TMEM196: variants seen among roughly 807,000 people sequenced by gnomAD.
TMEM196 encodes the protein transmembrane protein 196.
Under a neutral mutation model 20.0 loss-of-function variants are expected in TMEM196, and 17 were observed. That is an observed-to-expected ratio of 0.85 (90% CI 0.58 to 1.27). The LOEUF is 1.27. TMEM196 is among the 50% of genes most tolerant of loss of function. The pLI is 0.00. For synonymous variants in TMEM196, 113 were observed against 88.9 expected (o/e 1.27, Z -1.52); for missense variants, 267 against 223.0 (o/e 1.20, Z -1.26).
At chr7:19,728,067 C>T (rs1258759918) in intron 2 of TMEM196, among the ~76,000 whole-genome samples, 1 of 152,058 alleles carries the variant, frequency 6.6e-6, no homozygotes, top group African/African-American at 2.4e-5. Flanking sequence ...AATCAGATTT[C>T]ATCATTTTTT....
intron 1 of TMEM196, among the ~76,000 whole-genome samples, chr7:19,742,702 G>T (rs898507847): frequency 1.3e-5 from 2 of 152,196 alleles, no homozygotes; most frequent in East Asian, 1.9e-4. Context: ...ACCCACTTTA[G>T]TCAGAATAAT....
At chr7:19,761,115 C>G (rs959977296) in intron 1 of TMEM196, among the ~76,000 whole-genome samples, 2 of 152,202 alleles carry the variant, frequency 1.3e-5, no homozygotes, top group African/African-American at 4.8e-5. Context: ...CCTGAGCCTT[C>G]CTTGCCTTTA....
intron 1 of TMEM196, among the ~76,000 whole-genome samples, chr7:19,753,358 T>C (rs1785067418): frequency 6.6e-6 from 1 of 152,202 alleles, no homozygotes; most frequent in Non-Finnish European, 1.5e-5. Flanking sequence ...ACAATTTATC[T>C]AAACTCATTT....
At chr7:19,725,790 G>C in intron 2 of TMEM196, 22 bp from the exon 3 acceptor site, 1 of 1,567,190 alleles carries the variant, frequency 6.4e-7, no homozygotes, top group Non-Finnish European at 8.7e-7. Context: ...AAGAAAGGCA[G>C]CGTTAAAGTT....
rs546570731 is a variant in TMEM196 at position 19,755,818 on chromosome 7, C to T, written c.147+16732G>A. Among the ~76,000 whole-genome samples, 13 of 152,230 alleles carry T rather than the reference C, an allele frequency of 8.5e-5. No homozygotes were observed. In the South Asian group the frequency reaches 2.3e-3, roughly 27 times the overall value. On this transcript the variant is annotated intron_variant, in intron 1 of 4. Transcript: ENST00000405844. The stretch of plus-strand genomic sequence containing the variant: ...CTGAGGCAGGCAGATCACTTGCAGC[C>T]AGTAGTTTGAGACCAGCCTGGCCCA...
intron 1 of TMEM196, among the ~76,000 whole-genome samples, chr7:19,730,117 G>A (rs1415180806): frequency 1.3e-5 from 2 of 152,094 alleles, no homozygotes; most frequent in African/African-American, 2.4e-5. Context: ...TTAGCCGGGC[G>A]TGGTGGCAGG....
intron 1 of TMEM196, among the ~76,000 whole-genome samples, chr7:19,769,707 AAAC>A (rs982057395): frequency 1.9e-4 from 29 of 152,324 alleles, no homozygotes; most frequent in Admixed American, 1.5e-3. Flanking sequence ...TTGGGAAAAA[AAAC>A]AATACAACAA....
chr7:19,743,935 C>A (rs1460233256), intron 1 of TMEM196, among the ~76,000 whole-genome samples: 1 of 152,006 alleles, frequency 6.6e-6, no homozygotes, highest in African/African-American at 2.4e-5. Flanking sequence ...TAAGATCTTA[C>A]AAGAACATGA....
intron 1 of TMEM196, among the ~76,000 whole-genome samples, chr7:19,738,507 T>C (rs946261913): frequency 6.6e-6 from 1 of 152,062 alleles, no homozygotes; most frequent in Admixed American, 6.6e-5. Context: ...ATCACCCAGA[T>C]CTTGGTTTCT....
chr7:19,734,107 A>G (rs1784310783), intron 1 of TMEM196, among the ~76,000 whole-genome samples: 1 of 152,186 alleles, frequency 6.6e-6, no homozygotes, highest in Non-Finnish European at 1.5e-5. Flanking sequence ...AGCACAAGGC[A>G]ACTACAGCCC....
intron 1 of TMEM196, among the ~76,000 whole-genome samples, chr7:19,770,959 G>C (rs1785848987): frequency 6.6e-6 from 1 of 151,862 alleles, no homozygotes; most frequent in African/African-American, 2.4e-5. Flanking sequence ...GTTGGGGGCG[G>C]GGATTGAGCT....
At chr7:19,736,354 TATATATATATATATA>T (rs1784402637) in intron 1 of TMEM196, among the ~76,000 whole-genome samples, 7 of 88,046 alleles carry the variant, frequency 8.0e-5, no homozygotes, top group African/African-American at 2.0e-4. Context: ...TGGTTCCTAC[TATATATATATATATA>T]TATATATATA....
rs1248293380 is a variant in TMEM196, at chr7:19,732,239, C to G, written c.148-2801G>C. ...GGTAACACATCAAGGTCAGAAATCA[C>G]ACATCTAATTTAAGACTTTATTAAG... is the stretch of plus-strand genomic sequence containing the variant. On this transcript the variant is annotated intron_variant, in intron 1 of 4. Coordinates refer to ENST00000405844, the MANE Select transcript of TMEM196 (RefSeq NM_001363562.2). Among the ~76,000 whole-genome samples, 4 of 152,150 alleles carry G rather than the reference C, an allele frequency of 2.6e-5. No homozygotes were observed. The East Asian group carries it at 5.8e-4, about 22-fold the overall frequency.
intron 1 of TMEM196, among the ~76,000 whole-genome samples, chr7:19,767,810 G>A (rs2128040498): frequency 6.6e-6 from 1 of 152,054 alleles, no homozygotes; most frequent in South Asian, 2.1e-4. Flanking sequence ...AGACACACTA[G>A]TTTCAAATTG....
chr7:19,760,996 G>A (rs1040696299), intron 1 of TMEM196, among the ~76,000 whole-genome samples: 3 of 152,166 alleles, frequency 2.0e-5, no homozygotes, highest in African/African-American at 7.2e-5. Context: ...GTGGACTACA[G>A]AGTTAAGGCC....
At chr7:19,726,153 C>G (rs1783993348) in intron 2 of TMEM196, among the ~76,000 whole-genome samples, 1 of 152,128 alleles carries the variant, frequency 6.6e-6, no homozygotes, top group Non-Finnish European at 1.5e-5. Flanking sequence ...TCTCAATTGA[C>G]ACTCCCAGCA....
intron 1 of TMEM196, among the ~76,000 whole-genome samples, chr7:19,760,410 G>C (rs1785392317): frequency 7.1e-6 from 1 of 140,860 alleles, no homozygotes; most frequent in South Asian, 2.2e-4. Context: ...GCCCAGGCTG[G>C]AGTGCAGTGA....
At chr7:19,769,627 A>G (rs1425912662) in intron 1 of TMEM196, among the ~76,000 whole-genome samples, 2 of 152,168 alleles carry the variant, frequency 1.3e-5, no homozygotes, top group African/African-American at 2.4e-5. Flanking sequence ...TACTAAGAAC[A>G]TTACAATCAG....
At position 19,722,149 on chromosome 7, in the gene TMEM196, A is replaced by G. The variant is rs571427958; in HGVS notation, c.534-15T>C. ...TCTGTTATTTCCTGTTAGAAAAATGACATGATTAATTAAAATTCGCTTTTG... is the reference window on the plus strand; with the variant it reads ...TCTGTTATTTCCTGTTAGAAAAATGGCATGATTAATTAAAATTCGCTTTTG... On this transcript the variant is annotated splice_polypyrimidine_tract_variant and intron_variant, in intron 4 of 4. Transcript: ENST00000405844. 5 of 1,601,364 alleles carry G rather than the reference A, an allele frequency of 3.1e-6. No individual in the cohort carries two copies. The highest frequency in any genetic ancestry group is 4.5e-5 in the East Asian group (2 of 44,196).
Sources: gnomAD v4.1 joint callset for allele counts (sites outside exome capture counted in the v4.1 genomes callset) on GRCh38, gnomAD v4.1.1 for gene constraint, MANE v1.5 for transcripts, NCBI Gene and HGNC (gene_info 2026-07-23, HGNC 2026-07-21) for gene names.